PAAF1: variants seen among roughly 807,000 people sequenced by gnomAD.
PAAF1 encodes proteasomal ATPase-associated factor 1.
A neutral mutation model predicts 52.8 loss-of-function variants in PAAF1; 46 were observed. The observed-to-expected ratio is 0.87, with a 90% CI of 0.69 to 1.11. PAAF1 has a LOEUF of 1.11. Among genes scored for constraint, PAAF1 ranks in the 50% most tolerant of loss-of-function variants. PAAF1 has a pLI of 0.00. For synonymous variants in PAAF1, 178 were observed against 172.8 expected (o/e 1.03, Z -0.24); for missense variants, 424 against 477.4 (o/e 0.89, Z 1.04).
At chr11:73,877,912 T>G (rs1948788429) in intron 1 of PAAF1, among the ~76,000 whole-genome samples, 1 of 152,110 alleles carries the variant, frequency 6.6e-6, no homozygotes, top group African/African-American at 2.4e-5. Context: ...GACGTCTTAA[T>G]TAGGAATACA....
intron 10 of PAAF1, chr11:73,922,033 A>G (rs1950232547): frequency 2.5e-6 from 2 of 808,132 alleles, no homozygotes; most frequent in Non-Finnish European, 4.2e-6. Context: ...TTTTTGAAGA[A>G]GACATTGGCC....
At chr11:73,891,024 G>A (rs1037491976) in intron 3 of PAAF1, 88 bp from the exon 4 acceptor site, 3 of 770,824 alleles carry the variant, frequency 3.9e-6, no homozygotes, top group Non-Finnish European at 6.6e-6. Context: ...AGAATGTCCT[G>A]TAGTCCTAAT....
intron 3 of PAAF1, among the ~76,000 whole-genome samples, chr11:73,890,174 A>G (rs1347275688): frequency 6.6e-6 from 1 of 152,176 alleles, no homozygotes; most frequent in Non-Finnish European, 1.5e-5. Context: ...TAGGAGATCT[A>G]TACTTAAGTG....
rs1950439334 is a variant in PAAF1, at chr11:73,930,298, A to C, written c.*2936A>C. ...GGCAGGAGAATGGTGTGAACCTGGC[A>C]GGCAGAGCTTGCAGTAAGCTGAGAT... On this transcript the variant is annotated 3_prime_UTR_variant, in exon 12 of 12. Transcript: ENST00000310571. The C allele has an allele frequency of 6.6e-6, 1 of 151,546 alleles. No homozygotes were observed. Among genetic ancestry groups the C allele is most frequent in the African/African-American group, 2.4e-5 (1 of 41,194 alleles). The allele number at this position is 151,546 out of a possible 1,614,324, so 9.4% of individuals were successfully genotyped here. A position where few individuals can be genotyped will look rare whatever the true frequency, so the allele number is the denominator to read the frequency against.
intron 10 of PAAF1, among the ~76,000 whole-genome samples, chr11:73,924,004 T>TACACACACACAC (rs113973014): frequency 2.0e-5 from 3 of 149,764 alleles, no homozygotes; most frequent in African/African-American, 7.3e-5. Flanking sequence ...AGTTTATAAA[T>TACACACACACAC]ACACACACAC....
intron 8 of PAAF1, among the ~76,000 whole-genome samples, chr11:73,914,754 G>A (rs1274701908): frequency 1.3e-5 from 2 of 148,464 alleles, no homozygotes; most frequent in African/African-American, 5.0e-5. Flanking sequence ...GTTGGATGGA[G>A]TGCAGTGGCG....
rs1343836136 is a variant in PAAF1, at chr11:73,897,001, G to A, written c.283-2145G>A. ...GGGCTGACCCCCCCACCTCCCTCCT[G>A]GACGGGGCGGCTGGCCGGGCAGAGG... is the stretch of plus-strand genomic sequence containing the variant. On this transcript the variant is annotated intron_variant, in intron 4 of 11. Coordinates refer to ENST00000310571, the MANE Select transcript of PAAF1 (RefSeq NM_025155.3). Among the ~76,000 whole-genome samples the A allele has an allele frequency of 7.3e-5, 10 of 137,778 alleles. No individual in the cohort carries two copies. In the East Asian group the frequency reaches 1.6e-3, roughly 22 times the overall value. The allele number at this position is 137,778 out of a possible 152,430, so 90.4% of individuals were successfully genotyped here. A position where few individuals can be genotyped will look rare whatever the true frequency, so the allele number is the denominator to read the frequency against.
chr11:73,914,460 G>A lies in PAAF1; in HGVS notation c.775G>A (p.Glu259Lys), dbSNP rs760054035. 1.2e-6 allele frequency: 2 copies of A among 1,614,040 alleles called. No individual in the cohort carries two copies. Among genetic ancestry groups the A allele is most frequent in the Admixed American group, 3.3e-5 (2 of 59,998 alleles). Residue 259 changes from glutamate (E) to lysine (K), a missense_variant, in exon 8 of 12, where the codon GAA becomes AAA. Glu to Lys is a moderately conservative substitution (Grantham distance 56). Coordinates refer to ENST00000310571, the MANE Select transcript of PAAF1 (RefSeq NM_025155.3). ...GGCCAAAATGCTGCTCTTGGCCCGGGAAGATAAGAAACTTCAGTGCTTGGG... is the reference window on the plus strand; with the variant it reads ...GGCCAAAATGCTGCTCTTGGCCCGGAAAGATAAGAAACTTCAGTGCTTGGG... ...TEAKMLLLAR[E>K]DKKLQCLGLQ... is the part of the protein sequence containing the mutation.
At chr11:73,909,127 T>A (rs1028003764) in intron 6 of PAAF1, among the ~76,000 whole-genome samples, 1 of 152,150 alleles carries the variant, frequency 6.6e-6, no homozygotes, top group Non-Finnish European at 1.5e-5. Context: ...GAAGACAAAA[T>A]AAAAAACTTG....
Position 73,909,402 on chromosome 11 carries a change from T to A in PAAF1, c.536T>A (p.Ile179Asn), listed in dbSNP as rs1179182732. Residue 179 changes from isoleucine to asparagine, a missense_variant, in exon 7 of 12, where the codon ATC becomes AAC. Physicochemically the swap from Ile to Asn is moderately radical, Grantham distance 149. Transcript: ENST00000310571. ...GGGAGTTTTTTTCTCTTGCTAGGTA[T>A]CCTGGATACAGCCATCGTTGATCGG... The part of the protein sequence containing the change: ...VVTFKGHKGG[I>N]LDTAIVDRGR... 1 of 1,613,992 alleles carries A rather than the reference T, an allele frequency of 6.2e-7. No homozygotes were observed. Among genetic ancestry groups the A allele is most frequent in the Non-Finnish European group, 8.5e-7 (1 of 1,179,988 alleles).
intron 6 of PAAF1, among the ~76,000 whole-genome samples, chr11:73,903,420 A>G (rs1259384313): frequency 1.3e-5 from 2 of 152,166 alleles, no homozygotes; most frequent in South Asian, 4.1e-4. Flanking sequence ...TGACTTAAAA[A>G]GAAAAAAAAT....
intron 2 of PAAF1, among the ~76,000 whole-genome samples, chr11:73,886,014 CAG>C (rs993861880): frequency 5.9e-5 from 9 of 151,762 alleles, no homozygotes; most frequent in African/African-American, 2.2e-4. Flanking sequence ...GACATGTAAA[CAG>C]TGTGTTATGG....
At chr11:73,884,112 A>C (rs188722777) in intron 2 of PAAF1, among the ~76,000 whole-genome samples, 1 of 152,100 alleles carries the variant, frequency 6.6e-6, no homozygotes. Context: ...AGCAGCCTGC[A>C]TGTAGGAATG....
chr11:73,877,031 C>T lies in PAAF1; in HGVS notation c.10C>T (p.Pro4Ser), dbSNP rs1019996232. Residue 4 changes from proline (P) to serine (S), a missense_variant, in exon 1 of 12, where the codon CCT (proline) becomes TCT (serine). By Grantham distance (74) the Pro-to-Ser change is moderately conservative. Coordinates refer to ENST00000310571, the MANE Select transcript of PAAF1 (RefSeq NM_025155.3). MAAPLRIQSDWAQA... is the reference protein window; with the variant it reads MAASLRIQSDWAQA... ...TGGAGGCGGGGTCGAGATGGCGGCG[C>T]CTTTGAGGATTCAGAGCGACTGGGC... The T allele has an allele frequency of 2.6e-6, 4 of 1,534,182 alleles. No homozygotes were observed. The highest frequency in any genetic ancestry group is 3.5e-6 in the Non-Finnish European group (4 of 1,137,936).
rs1156782916 is a variant in PAAF1, at chr11:73,896,901, G to A, written c.283-2245G>A. On this transcript the variant is annotated intron_variant, in intron 4 of 11. Coordinates refer to ENST00000310571, the MANE Select transcript of PAAF1 (RefSeq NM_025155.3). ...AGGCAGAGGCGCCCCTCACCTCCCG[G>A]ACGGGGCGGCTGGCCGGACGGGGGG... Among the ~76,000 whole-genome samples the A allele has an allele frequency of 2.0e-5, 3 of 151,030 alleles. No individual in the cohort carries two copies. In the East Asian group the frequency reaches 6.0e-4, roughly 30 times the overall value.
chr11:73,886,115 G>A (rs778853997), intron 2 of PAAF1, among the ~76,000 whole-genome samples: 11 of 152,116 alleles, frequency 7.2e-5, no homozygotes, highest in Admixed American at 5.2e-4. Flanking sequence ...TTTATGTGTA[G>A]GATAGTATCT....
intron 2 of PAAF1, among the ~76,000 whole-genome samples, chr11:73,885,595 A>C (rs1165662143): frequency 6.6e-6 from 1 of 151,428 alleles, no homozygotes; most frequent in Non-Finnish European, 1.5e-5. Flanking sequence ...TAATCCCAGC[A>C]CTTCGGGAGG....
At chr11:73,886,952 A>C (rs1949078076) in intron 2 of PAAF1, 2 of 407,656 alleles carry the variant, frequency 4.9e-6, no homozygotes, top group Non-Finnish European at 9.6e-6. Flanking sequence ...AGATCCTGGC[A>C]TCTCCCTTCT....
intron 9 of PAAF1, among the ~76,000 whole-genome samples, chr11:73,916,879 A>T (rs1307681406): frequency 1.3e-5 from 2 of 152,168 alleles, no homozygotes; most frequent in Non-Finnish European, 2.9e-5. Flanking sequence ...CTGACTAATG[A>T]TTGCTTTGAA....
Sources: gnomAD v4.1 joint callset for allele counts (sites outside exome capture counted in the v4.1 genomes callset) on GRCh38, gnomAD v4.1.1 for gene constraint, MANE v1.5 for transcripts, NCBI Gene and HGNC (gene_info 2026-07-23, HGNC 2026-07-21) for gene names.